The following C1GALT1 variants were observed in gnomAD, a reference collection of about 807,000 sequenced individuals.
C1GALT1 encodes glycoprotein-N-acetylgalactosamine 3-beta-galactosyltransferase 1.
In C1GALT1, 11 loss-of-function variants were observed where a neutral mutation model predicts 31.0. That is an observed-to-expected ratio of 0.36 (90% confidence interval 0.22 to 0.59). The LOEUF is 0.59. Ranked by LOEUF, C1GALT1 falls within the 20% of genes least tolerant of loss-of-function variation. C1GALT1 has a pLI of 0.79. For synonymous variants in C1GALT1, 175 were observed against 143.6 expected, an observed-to-expected ratio of 1.22 and a Z score of -1.56; for missense variants, 424 against 425.2, an observed-to-expected ratio of 1.00 and a Z score of 0.03.
At chr7:7,228,566 C>T (rs1490978679) in intron 1 of C1GALT1, among the ~76,000 whole-genome samples, 2 of 151,956 alleles carry the variant, frequency 1.3e-5, no homozygotes, top group Admixed American at 1.3e-4. Flanking sequence ...CTTTGGGATG[C>T]ATTCTACCCC....
At chr7:7,185,654 C>A (rs1055980244) in intron 1 of C1GALT1, among the ~76,000 whole-genome samples, 3 of 152,188 alleles carry the variant, frequency 2.0e-5, no homozygotes, top group Non-Finnish European at 2.9e-5. Flanking sequence ...TGCTCCACTT[C>A]TTGCAAGGAT....
Position 7,243,617 on chromosome 7 carries a change from C to G in C1GALT1, c.982C>G (p.Pro328Ala). 1 of 1,612,570 alleles carries G rather than the reference C, an allele frequency of 6.2e-7. No homozygotes were observed. Among genetic ancestry groups the G allele is most frequent in the Non-Finnish European group, 8.5e-7 (1 of 1,179,242 alleles). Residue 328 changes from proline (P) to alanine (A), a missense_variant, in exon 4 of 4, where the codon CCA (proline) becomes GCA (alanine). Pro to Ala is a conservative substitution (Grantham distance 27, BLOSUM62 -1). This residue lies in a region of C1GALT1 where 191 missense variants were observed against 188.8 expected (regional missense o/e 1.01). Coordinates refer to ENST00000436587, the MANE Select transcript of C1GALT1 (RefSeq NM_020156.5). ...AGAATACCTCGTTTATCATCTTCGT[C>G]CATATGGTTATTTATACAGATATCA... is the stretch of plus-strand genomic sequence containing the variant. ...ELEYLVYHLR[P>A]YGYLYRYQPT...
intron 2 of C1GALT1, among the ~76,000 whole-genome samples, chr7:7,160,466 G>A (rs1382855631): frequency 2.6e-5 from 4 of 152,172 alleles, no homozygotes; most frequent in African/African-American, 7.2e-5. Flanking sequence ...TAGAACAGGC[G>A]GGAAGACAAA....
intron 1 of C1GALT1, among the ~76,000 whole-genome samples, chr7:7,228,722 T>TACTCTGGGGGAGAAGAGTAAGAGAGTATG: frequency 6.6e-6 from 1 of 152,324 alleles, no homozygotes; most frequent in South Asian, 2.1e-4. Context: ...AGTGTGCTGA[T>TACTCTGGGGGAGAAGAGTAAGAGAGTATG]ACTCTGGGGG....
At chr7:7,189,128 A>C (rs1236806800) in intron 1 of C1GALT1, among the ~76,000 whole-genome samples, 2 of 152,194 alleles carry the variant, frequency 1.3e-5, no homozygotes, top group Non-Finnish European at 2.9e-5. Context: ...TTTCCCTATC[A>C]GCACATGTAG....
At chr7:7,228,861 G>A (rs1046352106) in intron 1 of C1GALT1, among the ~76,000 whole-genome samples, 1 of 152,166 alleles carries the variant, frequency 6.6e-6, no homozygotes, top group Non-Finnish European at 1.5e-5. Flanking sequence ...TGCTTAAAAA[G>A]TGCCTCTTCA....
chr7:7,220,766 G>C (rs751601535), intron 1 of C1GALT1, among the ~76,000 whole-genome samples: 3 of 152,038 alleles, frequency 2.0e-5, no homozygotes, highest in Admixed American at 1.3e-4. Flanking sequence ...GTGATCTGCT[G>C]GCCTCGGCCT....
chr7:7,165,758 G>T (rs1388410809), intron 2 of C1GALT1, among the ~76,000 whole-genome samples: 1 of 152,114 alleles, frequency 6.6e-6, no homozygotes, highest in South Asian at 2.1e-4. Flanking sequence ...AATCTGAAAT[G>T]GTCTAAAATC....
intron 2 of C1GALT1, among the ~76,000 whole-genome samples, chr7:7,173,672 G>A (rs913513876): frequency 1.3e-5 from 2 of 152,194 alleles, no homozygotes; most frequent in African/African-American, 2.4e-5. Context: ...GGAGGCCAAG[G>A]CAGCAGATTA....
At chr7:7,219,567 G>T (rs1286050517) in intron 1 of C1GALT1, among the ~76,000 whole-genome samples, 2 of 151,992 alleles carry the variant, frequency 1.3e-5, no homozygotes, top group Non-Finnish European at 2.9e-5. Context: ...CTAATCAATA[G>T]ATAAAACCTA....
chr7:7,234,820 G>A (rs1783258879), intron 2 of C1GALT1: 1 of 236,550 alleles, frequency 4.2e-6, no homozygotes, highest in East Asian at 9.4e-5. Context: ...GTTTTTCTAG[G>A]TTCAGTTTTG....
At chr7:7,180,144 A>T (rs937185226), upstream of C1GALT1, among the ~76,000 whole-genome samples, 7 of 152,252 alleles carry the variant, frequency 4.6e-5, no homozygotes, top group Non-Finnish European at 1.0e-4. Context: ...GCATTATTAA[A>T]CACTAGACAC....
intron 1 of C1GALT1, among the ~76,000 whole-genome samples, chr7:7,184,108 G>A (rs1287444499): frequency 6.6e-6 from 1 of 152,090 alleles, no homozygotes; most frequent in African/African-American, 2.4e-5. Flanking sequence ...TGCCCATGAT[G>A]CTGTATGTTC....
At chr7:7,181,051 A>G (rs761628547), upstream of C1GALT1, among the ~76,000 whole-genome samples, 6 of 152,202 alleles carry the variant, frequency 3.9e-5, no homozygotes, top group Non-Finnish European at 8.8e-5. Context: ...TCTTTGCTCA[A>G]TGGAAAAAAG....
chr7:7,161,162 C>G (rs1422100833), intron 2 of C1GALT1, among the ~76,000 whole-genome samples: 1 of 152,084 alleles, frequency 6.6e-6, no homozygotes, highest in Non-Finnish European at 1.5e-5. Flanking sequence ...GTCAAGAGGA[C>G]TTGGAACCAT....
At chr7:7,182,309 G>A, upstream of C1GALT1, among the ~76,000 whole-genome samples, 1 of 152,214 alleles carries the variant, frequency 6.6e-6, no homozygotes, top group Non-Finnish European at 1.5e-5. Context: ...CTTGAAGCTA[G>A]TGCATAACCT....
chr7:7,203,406 T>C lies in C1GALT1; in HGVS notation c.-18+20586T>C, dbSNP rs546849215. Among the ~76,000 whole-genome samples, 3 of 152,286 alleles carry C rather than the reference T, an allele frequency of 2.0e-5. No individual in the cohort carries two copies. The South Asian group carries it at 6.2e-4, about 32-fold the overall frequency. ...TGAGTGTTTATATCATGAAAGCATATTGAATTTTGTCAGATACTTTTTCTG... is the reference window on the plus strand; with the variant it reads ...TGAGTGTTTATATCATGAAAGCATACTGAATTTTGTCAGATACTTTTTCTG... On this transcript the variant is annotated intron_variant, in intron 1 of 3. Coordinates refer to ENST00000436587, the MANE Select transcript of C1GALT1 (RefSeq NM_020156.5).
In C1GALT1 at chr7:7,244,650, C is replaced by T. The variant is rs1211875644; in HGVS notation, c.*923C>T. On this transcript the variant is annotated 3_prime_UTR_variant, in exon 4 of 4. Coordinates refer to ENST00000436587, the MANE Select transcript of C1GALT1 (RefSeq NM_020156.5). Reference sequence around the variant, plus strand: ...TGACATTTTAAATTGATATTTTAAACTCTTTCCAACTACATAGTTATGGTT... The same window carrying T: ...TGACATTTTAAATTGATATTTTAAATTCTTTCCAACTACATAGTTATGGTT... 1 of 152,118 alleles carries T rather than the reference C, an allele frequency of 6.6e-6. No individual in the cohort carries two copies. The highest frequency in any genetic ancestry group is 2.4e-5 in the African/African-American group (1 of 41,444). 9.4% of individuals were successfully genotyped at this position (152,118 alleles called of 1,614,324 possible).
chr7:7,182,893 G>T (rs1161189291), intron 1 of C1GALT1, 73 bp downstream of exon 1: 2 of 967,630 alleles, frequency 2.1e-6, no homozygotes, highest in Middle Eastern at 5.3e-4. Flanking sequence ...CCCTCTCCGG[G>T]TTGGTGGGGA....
Sources: gnomAD v4.1 joint callset for allele counts (sites outside exome capture counted in the v4.1 genomes callset) on GRCh38, gnomAD v4.1.1 for gene constraint, gnomAD v4.1.1 regional missense constraint, MANE v1.5 for transcripts, NCBI Gene and HGNC (gene_info 2026-07-23, HGNC 2026-07-21) for gene names.